The following NBAS variants were observed in gnomAD, a reference collection of about 807,000 sequenced individuals.
NBAS encodes the protein NBAS subunit of NRZ tethering complex.
In NBAS, 219 loss-of-function variants were observed where a neutral mutation model predicts 302.5. That is an observed-to-expected ratio of 0.72 (90% CI 0.65 to 0.81). The LOEUF (loss-of-function observed/expected upper bound fraction) is 0.81, where lower values mean the gene tolerates loss of function less well. NBAS is among the 30% of genes least tolerant of loss of function. The probability of loss-of-function intolerance (pLI) is 0.00; values close to 1 mark genes in which losing one functional copy is unlikely to be tolerated. For synonymous variants in NBAS, 1,118 were observed against 1,021.6 expected, an observed-to-expected ratio of 1.09 and a Z score of -1.80; for missense variants, 2,932 against 2,841.6, an observed-to-expected ratio of 1.03 and a Z score of -0.72.
the NBAS span, among the ~76,000 whole-genome samples, chr2:14,883,245 G>A: frequency 6.6e-6 from 1 of 152,076 alleles, no homozygotes; most frequent in African/African-American, 2.4e-5. Context: ...AAATTTGTTC[G>A]TATTTTCTCC....
At chr2:14,908,981 G>C in the NBAS span, among the ~76,000 whole-genome samples, 2 of 152,134 alleles carry the variant, frequency 1.3e-5, no homozygotes, top group South Asian at 2.1e-4. Context: ...GTCTCAGATG[G>C]AGTCTGACCC....
chr2:15,292,890 A>C (rs928038770), intron 40 of NBAS, 124 bp from the exon 41 acceptor site: 1 of 968,698 alleles, frequency 1.0e-6, no homozygotes, highest in Non-Finnish European at 1.6e-6. Flanking sequence ...TTGCCATTTC[A>C]TAAGGCTCAC....
intron 9 of NBAS, among the ~76,000 whole-genome samples, chr2:15,526,866 T>C (rs1456249943): frequency 9.2e-5 from 14 of 152,184 alleles, no homozygotes; most frequent in Non-Finnish European, 2.1e-4. Context: ...ATCTTAAAAG[T>C]AATAAGTATA....
the NBAS span, among the ~76,000 whole-genome samples, chr2:15,060,732 TGA>T: frequency 6.6e-6 from 1 of 152,174 alleles, no homozygotes; most frequent in African/African-American, 2.4e-5. Flanking sequence ...GTAAGCTCTC[TGA>T]GCCTCAATGT....
At chr2:15,244,509 T>C (rs1668000675) in intron 44 of NBAS, among the ~76,000 whole-genome samples, 1 of 152,176 alleles carries the variant, frequency 6.6e-6, no homozygotes, top group Non-Finnish European at 1.5e-5. Context: ...TTAAGCTGCC[T>C]CACAGTCGTG....
the NBAS span, among the ~76,000 whole-genome samples, chr2:14,926,971 A>G: frequency 6.6e-6 from 1 of 152,212 alleles, no homozygotes; most frequent in Non-Finnish European, 1.5e-5. Context: ...ATTTATATCA[A>G]TGGACTTTGA....
intron 44 of NBAS, among the ~76,000 whole-genome samples, chr2:15,252,935 C>T (rs1269043251): frequency 6.6e-6 from 1 of 151,574 alleles, no homozygotes; most frequent in Non-Finnish European, 1.5e-5. Context: ...TGTGGGTACA[C>T]CAAGAAAAAA....
At chr2:15,322,525 G>A (rs184885356) in intron 38 of NBAS, among the ~76,000 whole-genome samples, 1 of 152,168 alleles carries the variant, frequency 6.6e-6, no homozygotes, top group Non-Finnish European at 1.5e-5. Context: ...AACTCACAGA[G>A]GAAAGTTGCC....
At chr2:15,446,306 A>G (rs1678740043) in intron 21 of NBAS, among the ~76,000 whole-genome samples, 1 of 152,216 alleles carries the variant, frequency 6.6e-6, no homozygotes, top group Admixed American at 6.5e-5. Context: ...AAGCATGCAA[A>G]GAAAACAAGA....
At chr2:15,168,950 C>T (rs1404104845) in intron 51 of NBAS, among the ~76,000 whole-genome samples, 1 of 152,234 alleles carries the variant, frequency 6.6e-6, no homozygotes, top group African/African-American at 2.4e-5. Flanking sequence ...ATTTGTATGT[C>T]TGTCTCCCTT....
chr2:14,930,016 G>C, the NBAS span, among the ~76,000 whole-genome samples: 1 of 152,176 alleles, frequency 6.6e-6, no homozygotes, highest in Non-Finnish European at 1.5e-5. Context: ...ACCATGGTAA[G>C]ATGTGCTTTC....
intron 35 of NBAS, among the ~76,000 whole-genome samples, chr2:15,349,995 T>C (rs970205743): frequency 2.0e-5 from 3 of 151,980 alleles, no homozygotes; most frequent in African/African-American, 4.8e-5. Flanking sequence ...GAAAATTCCA[T>C]AGGGGCAAAA....
At chr2:14,806,307 C>A in the NBAS span, among the ~76,000 whole-genome samples, 4 of 152,152 alleles carry the variant, frequency 2.6e-5, no homozygotes, top group Non-Finnish European at 5.9e-5. Flanking sequence ...ATGTTGTGAT[C>A]TTCCATCATG....
chr2:15,371,648 G>T (rs1376055554), intron 31 of NBAS, among the ~76,000 whole-genome samples: 1 of 152,178 alleles, frequency 6.6e-6, no homozygotes, highest in Non-Finnish European at 1.5e-5. Context: ...ACACTCTGGG[G>T]TAATCCTGTC....
chr2:15,253,537 C>T (rs148108989), intron 44 of NBAS, among the ~76,000 whole-genome samples: 1 of 152,124 alleles, frequency 6.6e-6, no homozygotes, highest in Non-Finnish European at 1.5e-5. Flanking sequence ...GCACACAAAG[C>T]CTTCCAACAG....
chr2:15,529,989 A>G (rs1663145220), intron 9 of NBAS, among the ~76,000 whole-genome samples: 1 of 152,216 alleles, frequency 6.6e-6, no homozygotes, highest in Non-Finnish European at 1.5e-5. Context: ...CTAACTTCAC[A>G]TATCAACATT....
At chr2:15,053,331 C>T in the NBAS span, among the ~76,000 whole-genome samples, 3 of 152,074 alleles carry the variant, frequency 2.0e-5, no homozygotes, top group Non-Finnish European at 2.9e-5. Flanking sequence ...AGAATAATAT[C>T]GCATGCATAG....
At chr2:15,101,617 A>T in the NBAS span, among the ~76,000 whole-genome samples, 1 of 152,154 alleles carries the variant, frequency 6.6e-6, no homozygotes, top group African/African-American at 2.4e-5. Flanking sequence ...AAGGGGTAAG[A>T]TTTGCACTGA....
chr2:15,428,517 C>T (rs1364051143), intron 21 of NBAS, among the ~76,000 whole-genome samples: 5 of 152,180 alleles, frequency 3.3e-5, no homozygotes, highest in African/African-American at 1.2e-4. Context: ...ACTGCTTGAG[C>T]CAAGGAGTTC....
Sources: gnomAD v4.1 joint callset for allele counts (sites outside exome capture counted in the v4.1 genomes callset) on GRCh38, gnomAD v4.1.1 for gene constraint, MANE v1.5 for transcripts, NCBI Gene and HGNC (gene_info 2026-07-23, HGNC 2026-07-21) for gene names.